Variants in BRINP3 observed in about 807,000 individuals in gnomAD.
BRINP3 encodes the protein BMP/retinoic acid inducible neural specific 3.
In BRINP3, 19 loss-of-function variants were observed where a neutral mutation model predicts 71.0. The observed-to-expected ratio is 0.27, with a 90% confidence interval of 0.19 to 0.39. BRINP3 has a LOEUF of 0.39. Among genes scored for constraint, BRINP3 ranks in the 10% least tolerant of loss-of-function variants. BRINP3 has a pLI of 1.00. For missense variants in BRINP3, 959 were observed against 940.8 expected (o/e 1.02, Z -0.25); for synonymous variants, 380 against 337.7 (o/e 1.13, Z -1.37).
intron 2 of BRINP3, among the ~76,000 whole-genome samples, chr1:190,301,198 CACATACATATATATATATATAT>C (rs1664684302): frequency 7.5e-5 from 2 of 26,718 alleles, no homozygotes; most frequent in East Asian, 1.3e-3. Context: ...TATATATATA[CACATACATATATATATATATAT>C]ATATATATAT....
intron 2 of BRINP3, among the ~76,000 whole-genome samples, chr1:190,344,968 A>G (rs1404568135): frequency 6.6e-6 from 1 of 151,936 alleles, no homozygotes; most frequent in Non-Finnish European, 1.5e-5. Flanking sequence ...GCTTTAATAT[A>G]ATTGTATTGA....
rs1553283751 is a variant in BRINP3 at position 190,301,212 on chromosome 1, T to TACACACATAC, written c.237-19463_237-19462insGTATGTGTGT. On this transcript the variant is annotated intron_variant, in intron 2 of 7. Coordinates refer to ENST00000367462, the MANE Select transcript of BRINP3 (RefSeq NM_199051.3). ...GTATATATATACACATACATATATATATATATATATATATATATATATACA... is the reference window on the plus strand; with the variant it reads ...GTATATATATACACATACATATATATACACACATACATATATATATATATATATATATACA... Among the ~76,000 whole-genome samples, 16 of 68,306 alleles carry TACACACATAC rather than the reference T, an allele frequency of 2.3e-4. No homozygotes were observed. The East Asian group carries it at 2.5e-3, about 11-fold the overall frequency. The allele number at this position is 68,306 out of a possible 152,430, so 44.8% of individuals were successfully genotyped here.
intron 1 of BRINP3, among the ~76,000 whole-genome samples, chr1:190,471,805 T>C (rs1677156352): frequency 6.6e-6 from 1 of 151,490 alleles, no homozygotes; most frequent in African/African-American, 2.4e-5. Flanking sequence ...AAAGCAACTA[T>C]TTTGTAAAGG....
chr1:190,466,907 T>G (rs1265007581), intron 1 of BRINP3, among the ~76,000 whole-genome samples: 2 of 151,572 alleles, frequency 1.3e-5, no homozygotes, highest in Admixed American at 1.3e-4. Context: ...TTTAAAAAAA[T>G]TATTGGAAAT....
rs573004564 is a variant in BRINP3 at position 190,247,376 on chromosome 1, T to A, written c.619-12899A>T. 3.9e-5 allele frequency among the ~76,000 whole-genome samples: 6 copies of A among 152,096 alleles called. No individual in the cohort carries two copies. The South Asian group carries it at 6.2e-4, about 16-fold the overall frequency. On this transcript the variant is annotated intron_variant, in intron 4 of 7. Coordinates refer to ENST00000367462, the MANE Select transcript of BRINP3 (RefSeq NM_199051.3). Reference sequence around the variant, plus strand: ...CAGACTCCAAAGTGTAATTTTTTCATTAGTCAACATTATGGTAACAATGTG... The same window carrying A: ...CAGACTCCAAAGTGTAATTTTTTCAATAGTCAACATTATGGTAACAATGTG...
chr1:190,150,866 A>G (rs1435330023), intron 7 of BRINP3, among the ~76,000 whole-genome samples: 1 of 152,174 alleles, frequency 6.6e-6, no homozygotes, highest in Non-Finnish European at 1.5e-5. Context: ...CAACATTTTA[A>G]TGGGAAGTGT....
chr1:190,435,343 GA>G (rs987454184), intron 2 of BRINP3, among the ~76,000 whole-genome samples: 8 of 151,912 alleles, frequency 5.3e-5, no homozygotes, highest in African/African-American at 1.7e-4. Context: ...AGAAGTTTGT[GA>G]ATAGACATCA....
intron 6 of BRINP3, among the ~76,000 whole-genome samples, chr1:190,195,229 T>A (rs72729157): frequency 0.081 from 12,258 of 151,944 alleles, 690 homozygotes; most frequent in Non-Finnish European, 0.12. Context: ...ATCTATAAAG[T>A]AAGACCAATT....
chr1:190,447,622 CTA>C lies in BRINP3; in HGVS notation c.236+7031_236+7032del, dbSNP rs1395222096. ...CCTATAGCTCTCTCTCTCTCTCTCT[CTA>C]TATATATATACTACATATAGATTTG... On this transcript the variant is annotated intron_variant, in intron 2 of 7. Coordinates refer to ENST00000367462, the MANE Select transcript of BRINP3 (RefSeq NM_199051.3). 2.9e-4 allele frequency among the ~76,000 whole-genome samples: 42 copies of C among 144,620 alleles called. 1 individual carries two copies. The highest frequency in any genetic ancestry group is 2.4e-3 in the East Asian group (12 of 4,984). 94.9% of individuals were successfully genotyped at this position (144,620 alleles called of 152,430 possible).
intron 2 of BRINP3, among the ~76,000 whole-genome samples, chr1:190,315,144 T>C (rs1332803074): frequency 6.6e-6 from 1 of 151,876 alleles, no homozygotes; most frequent in Non-Finnish European, 1.5e-5. Flanking sequence ...TTTGATAAAA[T>C]TAAAAACAGA....
At chr1:190,146,685 T>C (rs543329256) in intron 7 of BRINP3, among the ~76,000 whole-genome samples, 62 of 152,252 alleles carry the variant, frequency 4.1e-4, no homozygotes, top group Admixed American at 2.4e-3. Flanking sequence ...CTCAGCAGTG[T>C]AGCCAGAGCA....
chr1:190,431,609 G>A (rs1424855628), intron 2 of BRINP3, among the ~76,000 whole-genome samples: 2 of 151,860 alleles, frequency 1.3e-5, no homozygotes, highest in South Asian at 2.1e-4. Flanking sequence ...TGCCAGCCTC[G>A]GCCTCTCAAA....
At chr1:190,468,368 T>A (rs1056174769) in intron 1 of BRINP3, among the ~76,000 whole-genome samples, 1 of 151,368 alleles carries the variant, frequency 6.6e-6, no homozygotes, top group African/African-American at 2.4e-5. Context: ...CTATGAATGA[T>A]AGGTTTAAAA....
intron 2 of BRINP3, among the ~76,000 whole-genome samples, chr1:190,375,482 C>T (rs1002196258): frequency 6.6e-6 from 1 of 151,672 alleles, no homozygotes; most frequent in African/African-American, 2.4e-5. Flanking sequence ...TATTCAAAAG[C>T]AAAAGGCATA....
chr1:190,160,061 T>C (rs1447323982), intron 7 of BRINP3, among the ~76,000 whole-genome samples: 1 of 152,040 alleles, frequency 6.6e-6, no homozygotes. Flanking sequence ...TGACCTCAAA[T>C]AGATAAATAC....
chr1:190,177,708 C>A (rs550093837), intron 6 of BRINP3, among the ~76,000 whole-genome samples: 1 of 152,106 alleles, frequency 6.6e-6, no homozygotes, highest in Non-Finnish European at 1.5e-5. Flanking sequence ...ATTTGACAAT[C>A]AAGGCTAATT....
chr1:190,177,027 G>A (rs1267852628), intron 6 of BRINP3, among the ~76,000 whole-genome samples: 1 of 151,884 alleles, frequency 6.6e-6, no homozygotes. Context: ...GCAAGTAATT[G>A]CAGATGACTG....
At chr1:190,191,099 T>A (rs1347853562) in intron 6 of BRINP3, among the ~76,000 whole-genome samples, 1 of 152,102 alleles carries the variant, frequency 6.6e-6, no homozygotes, top group Non-Finnish European at 1.5e-5. Flanking sequence ...GCAACCTCCC[T>A]CACTTGACAG....
intron 4 of BRINP3, among the ~76,000 whole-genome samples, chr1:190,260,143 G>A (rs1208159679): frequency 6.6e-6 from 1 of 151,682 alleles, no homozygotes; most frequent in Non-Finnish European, 1.5e-5. Context: ...GGTAGAGGGA[G>A]GTCATGAGGT....
Sources: allele counts gnomAD v4.1 joint callset (sites outside exome capture counted in the v4.1 genomes callset), GRCh38; gene constraint gnomAD v4.1.1; transcripts MANE v1.5; gene names NCBI Gene and HGNC (gene_info 2026-07-23, HGNC 2026-07-21).